Variants in HGSNAT observed in about 807,000 individuals in gnomAD.
HGSNAT encodes heparan-alpha-glucosaminide N-acetyltransferase.
Under a neutral mutation model 85.2 loss-of-function variants are expected in HGSNAT, and 59 were observed. The observed-to-expected ratio is 0.69, with a 90% CI of 0.56 to 0.86. The LOEUF (loss-of-function observed/expected upper bound fraction) is 0.86. Ranked by LOEUF, HGSNAT falls within the 40% of genes least tolerant of loss-of-function variation. HGSNAT has a pLI of 0.00. For synonymous variants in HGSNAT, 321 were observed against 304.5 expected (o/e 1.05, Z -0.56); for missense variants, 756 against 777.1 (o/e 0.97, Z 0.32).
chr8:43,186,487 C>G (rs1804315646), intron 11 of HGSNAT, among the ~76,000 whole-genome samples: 1 of 152,042 alleles, frequency 6.6e-6, no homozygotes, highest in African/African-American at 2.4e-5. Context: ...GTGGTGATAT[C>G]ACCCTTATCA....
intron 14 of HGSNAT, chr8:43,194,267 C>A: frequency 1.9e-6 from 1 of 519,422 alleles, no homozygotes; most frequent in Non-Finnish European, 2.5e-6. Context: ...GGCATGATGG[C>A]ACACACCTGT....
At chr8:43,189,753 G>T (rs936860058) in intron 11 of HGSNAT, among the ~76,000 whole-genome samples, 2 of 152,122 alleles carry the variant, frequency 1.3e-5, no homozygotes, top group African/African-American at 2.4e-5. Context: ...CCTCCTCCAC[G>T]CCCAGCTAAT....
intron 1 of HGSNAT, among the ~76,000 whole-genome samples, chr8:43,145,149 G>A (rs186196638): frequency 1.0e-3 from 156 of 152,278 alleles, no homozygotes; most frequent in African/African-American, 3.5e-3. Flanking sequence ...AGAAATAAAC[G>A]TTAAAGGAGG....
chr8:43,174,024 T>C (rs1486917813), intron 9 of HGSNAT: 5 of 226,126 alleles, frequency 2.2e-5, no homozygotes, highest in African/African-American at 1.1e-4. Flanking sequence ...AAGACCAGCC[T>C]GGCCAACATG....
chr8:43,185,233 C>T (rs577145747), intron 11 of HGSNAT, among the ~76,000 whole-genome samples: 53 of 152,148 alleles, frequency 3.5e-4, no homozygotes, highest in African/African-American at 7.7e-4. Flanking sequence ...TGGGCAGTAT[C>T]GCCATTTTCA....
intron 2 of HGSNAT, 57 bp downstream of exon 2, chr8:43,147,120 T>G (rs908618301): frequency 1.0e-6 from 1 of 975,588 alleles, no homozygotes; most frequent in Non-Finnish European, 1.6e-6. Context: ...GATATGATCC[T>G]TAATGCTCTC....
intron 5 of HGSNAT, among the ~76,000 whole-genome samples, chr8:43,166,676 T>C (rs1158206385): frequency 6.6e-6 from 1 of 152,220 alleles, no homozygotes; most frequent in East Asian, 1.9e-4. Flanking sequence ...AGCAGATGAA[T>C]GTTGTTTTCA....
At chr8:43,189,204 T>G (rs1804434972) in intron 11 of HGSNAT, among the ~76,000 whole-genome samples, 1 of 152,182 alleles carries the variant, frequency 6.6e-6, no homozygotes. Context: ...TCTGCTGCCT[T>G]TTATTCAGCT....
intron 14 of HGSNAT, 163 bp from the exon 15 acceptor site, chr8:43,196,785 A>G: frequency 1.6e-6 from 1 of 624,254 alleles, no homozygotes. Flanking sequence ...AGTCTCCACT[A>G]GTCAAAGGCA....
At chr8:43,186,518 A>G (rs1804317409) in intron 11 of HGSNAT, among the ~76,000 whole-genome samples, 1 of 148,112 alleles carries the variant, frequency 6.8e-6, no homozygotes, top group Non-Finnish European at 1.5e-5. Flanking sequence ...TGTCTATTTG[A>G]TTCTTCTCCC....
chr8:43,140,586 G>T lies in HGSNAT; in HGVS notation c.90G>T (p.Gly30=), dbSNP rs1187482453. ...TGCTGGCCCCCGGCGGCTCTTCGGG[G>T]CGCGATGCCCAGGCCGCGCCGCCAC... ...AALLAPGGSS[G]RDAQAAPPRD... The change falls in exon 1 of 18, where the codon GGG becomes GGT. Residue 30 remains glycine (G), a synonymous_variant. Transcript: ENST00000379644. The T allele has an allele frequency of 7.3e-6, 9 of 1,234,500 alleles. No homozygotes were observed. In the Admixed American group the frequency reaches 1.1e-4, roughly 15 times the overall value. The allele number at this position is 1,234,500 out of a possible 1,614,324, so 76.5% of individuals were successfully genotyped here.
chr8:43,181,271 C>G (rs537838853), intron 10 of HGSNAT, among the ~76,000 whole-genome samples: 2 of 150,676 alleles, frequency 1.3e-5, no homozygotes, highest in Non-Finnish European at 3.0e-5. Flanking sequence ...CGGCAGTTCA[C>G]GAATCCACCT....
chr8:43,140,545 G>A lies in HGSNAT; in HGVS notation c.49G>A (p.Val17Met), dbSNP rs1802480219. 6 of 1,173,584 alleles carry A rather than the reference G, an allele frequency of 5.1e-6. No individual in the cohort carries two copies. Among genetic ancestry groups the A allele is most frequent in the Non-Finnish European group, 6.3e-6 (6 of 950,658 alleles). The allele number at this position is 1,173,584 out of a possible 1,614,324, so 72.7% of individuals were successfully genotyped here. ...GGCCGCGCTGCTGCTGGCCGCGTCC[G>A]TGCTGAGCGCCGCGCTGCTGGCCCC... ...ALAALLLAAS[V>M]LSAALLAPGG... Residue 17 changes from valine to methionine, a missense_variant, in exon 1 of 18, where the codon GTG (valine) becomes ATG (methionine). Val to Met is a conservative substitution (Grantham distance 21, BLOSUM62 1). Transcript: ENST00000379644.
At chr8:43,152,360 T>C (rs572496166) in intron 2 of HGSNAT, among the ~76,000 whole-genome samples, 1 of 152,210 alleles carries the variant, frequency 6.6e-6, no homozygotes, top group Admixed American at 6.5e-5. Context: ...AACAGTGTAA[T>C]CATCCAAACA....
rs139207456 is a variant in HGSNAT, at chr8:43,146,582, A to G, written c.119-366A>G. Among the ~76,000 whole-genome samples, 386 of 152,312 alleles carry G rather than the reference A, an allele frequency of 2.5e-3. 2 individuals are homozygous for G. Among genetic ancestry groups the G allele is most frequent in the South Asian group, 0.011 (53 of 4,830 alleles). On this transcript the variant is annotated intron_variant, in intron 1 of 17. Coordinates refer to ENST00000379644, the MANE Select transcript of HGSNAT (RefSeq NM_152419.3). ...CCTAGCTCATAAGATTGTCATTATT[A>G]TAGGGAAACTACTAAATTCAGTACA...
At position 43,150,129 on chromosome 8, in the gene HGSNAT, A is replaced by G. The variant is rs1310288678; in HGVS notation, c.234+3066A>G. Among the ~76,000 whole-genome samples, 10 of 151,900 alleles carry G rather than the reference A, an allele frequency of 6.6e-5. 1 individual carries two copies. In the East Asian group the frequency reaches 2.0e-3, roughly 30 times the overall value. ...CCGCCACCGCACCCAGTAATTTTGT[A>G]TTTTTAGTAGAGACAGGGTTTCACC... On this transcript the variant is annotated intron_variant, in intron 2 of 17. Coordinates refer to ENST00000379644, the MANE Select transcript of HGSNAT (RefSeq NM_152419.3).
chr8:43,188,337 A>G (rs1224887774), intron 11 of HGSNAT, among the ~76,000 whole-genome samples: 5 of 152,018 alleles, frequency 3.3e-5, no homozygotes, highest in African/African-American at 1.2e-4. Flanking sequence ...AGCTTTGTTC[A>G]TTTCTTTTTA....
Position 43,169,157 on chromosome 8 carries a change from C to G in HGSNAT, c.564-16C>G. The stretch of plus-strand genomic sequence containing the variant: ...CCAATGAAAATAAATTAATTGAGCC[C>G]TTTATTTATTTTCAGTTTGGATGAC... On this transcript the variant is annotated splice_polypyrimidine_tract_variant and intron_variant, in intron 5 of 17. Transcript: ENST00000379644. The G allele has an allele frequency of 6.8e-7, 1 of 1,478,754 alleles. No individual in the cohort carries two copies. Among genetic ancestry groups the G allele is most frequent in the Non-Finnish European group, 9.1e-7 (1 of 1,099,094 alleles). The allele number at this position is 1,478,754 out of a possible 1,614,324, so 91.6% of individuals were successfully genotyped here.
chr8:43,172,537 A>G (rs1172158081), intron 8 of HGSNAT, among the ~76,000 whole-genome samples, 151 bp downstream of exon 8: 2 of 152,192 alleles, frequency 1.3e-5, no homozygotes, highest in African/African-American at 4.8e-5. Context: ...TCCTAGGGTG[A>G]CCTGTAGATG....
Sources: allele counts gnomAD v4.1 joint callset (sites outside exome capture counted in the v4.1 genomes callset), GRCh38; gene constraint gnomAD v4.1.1; transcripts MANE v1.5; gene names NCBI Gene and HGNC (gene_info 2026-07-23, HGNC 2026-07-21).